The following CFTR variants were observed in gnomAD, a reference collection of about 807,000 sequenced individuals.
CFTR encodes CF transmembrane conductance regulator.
In CFTR, 181 loss-of-function variants were observed where a neutral mutation model predicts 171.6. The observed-to-expected ratio is 1.05, with a 90% CI of 0.93 to 1.19. The LOEUF (loss-of-function observed/expected upper bound fraction) is 1.19, where lower values mean the gene tolerates loss of function less well. CFTR is among the 50% of genes most tolerant of loss of function. CFTR has a pLI of 0.00. For missense variants in CFTR, 1,968 were observed against 1,734.7 expected (o/e 1.13, Z -2.39); for synonymous variants, 583 against 608.0 (o/e 0.96, Z 0.60).
At chr7:117,598,343 G>A (rs1444374262) in intron 15 of CFTR, among the ~76,000 whole-genome samples, 1 of 152,092 alleles carries the variant, frequency 6.6e-6, no homozygotes, top group African/African-American at 2.4e-5. Context: ...TACCTTCAGA[G>A]AATAAATGAC....
chr7:117,559,330 A>G (rs1799413795), intron 10 of CFTR, 134 bp from the exon 11 acceptor site: 4 of 706,086 alleles, frequency 5.7e-6, no homozygotes, highest in Non-Finnish European at 1.0e-5. Context: ...AGTATTTTAA[A>G]TATTTTGAAT....
Position 117,489,882 on chromosome 7 carries a change from T to C in CFTR, c.53+9735T>C, listed in dbSNP as rs957744531. On this transcript the variant is annotated intron_variant, in intron 1 of 26. Coordinates refer to ENST00000003084, the MANE Select transcript of CFTR (RefSeq NM_000492.4). ...ACATTTCAAATCAGAAGTTGGTGAA[T>C]TCACTGAAATATTTCTAGAGAACAC... Among the ~76,000 whole-genome samples, 5 of 151,966 alleles carry C rather than the reference T, an allele frequency of 3.3e-5. 1 individual carries two copies. The highest frequency in any genetic ancestry group is 6.6e-5 in the Admixed American group (1 of 15,202).
At position 117,548,657 on chromosome 7, in the gene CFTR, T is replaced by C; in HGVS notation, c.1226T>C (p.Phe409Ser). The C allele has an allele frequency of 6.2e-7, 1 of 1,613,036 alleles. No homozygotes were observed. Among genetic ancestry groups the C allele is most frequent in the Non-Finnish European group, 8.5e-7 (1 of 1,179,408 alleles). ...AFWEEGFGEL[F>S]EKAKQNNNNR... ...TTTTAACAGGGATTTGGGGAATTAT[T>C]TGAGAAAGCAAAACAAAACAATAAC... Residue 409 changes from phenylalanine (F) to serine (S), a missense_variant, in exon 10 of 27, where the codon TTT becomes TCT. Transcript: ENST00000003084.
chr7:117,528,449 G>A (rs1042777347), intron 3 of CFTR, among the ~76,000 whole-genome samples: 4 of 120,196 alleles, frequency 3.3e-5, no homozygotes, highest in African/African-American at 1.2e-4. Flanking sequence ...CAGGACATAG[G>A]CGTGGGCAAG....
chr7:117,597,533 G>A (rs554339865), intron 15 of CFTR, among the ~76,000 whole-genome samples: 14 of 152,310 alleles, frequency 9.2e-5, no homozygotes, highest in Admixed American at 5.2e-4. Context: ...CGTAATCTTT[G>A]TGATATGTGC....
chr7:117,639,339 C>A (rs1197152820), intron 22 of CFTR, among the ~76,000 whole-genome samples: 1 of 152,028 alleles, frequency 6.6e-6, no homozygotes, highest in African/African-American at 2.4e-5. Flanking sequence ...TTTCTTAAAA[C>A]CTTTTGACTT....
At position 117,602,822 on chromosome 7, in the gene CFTR, C is replaced by A. The variant is rs1180219519; in HGVS notation, c.2620-4C>A. On this transcript the variant is annotated splice_region_variant and splice_polypyrimidine_tract_variant and intron_variant, in intron 15 of 26. Transcript: ENST00000003084. ...AAAATCAACTGTGTCTTGTTCCATT[C>A]CAGGTGGCTGCTTCTTTGGTTGTGC... 3 of 1,613,654 alleles carry A rather than the reference C, an allele frequency of 1.9e-6. No homozygotes were observed. The highest frequency in any genetic ancestry group is 2.5e-6 in the Non-Finnish European group (3 of 1,179,578).
intron 11 of CFTR, among the ~76,000 whole-genome samples, chr7:117,573,082 A>G (rs191232135): frequency 6.6e-6 from 1 of 151,724 alleles, no homozygotes; most frequent in Admixed American, 6.6e-5. Flanking sequence ...CTTTCTGTCA[A>G]TATAGCAACA....
At chr7:117,577,706 C>T (rs774372222) in intron 11 of CFTR, among the ~76,000 whole-genome samples, 1 of 152,028 alleles carries the variant, frequency 6.6e-6, no homozygotes, top group African/African-American at 2.4e-5. Flanking sequence ...TACAATTGAC[C>T]CTTGGACAAT....
At chr7:117,556,512 C>CTATTTT (rs1754205159) in intron 10 of CFTR, among the ~76,000 whole-genome samples, 1 of 45,904 alleles carries the variant, frequency 2.2e-5, no homozygotes, top group African/African-American at 9.8e-5. Context: ...TGTTTCATTT[C>CTATTTT]TTTTTTTTTT....
intron 10 of CFTR, among the ~76,000 whole-genome samples, chr7:117,557,388 A>G (rs919085711): frequency 7.2e-5 from 11 of 152,116 alleles, no homozygotes; most frequent in Non-Finnish European, 1.5e-4. Context: ...TTAGAGTTCA[A>G]TTCAGATATT....
intron 1 of CFTR, among the ~76,000 whole-genome samples, chr7:117,484,347 C>G (rs1028172878): frequency 6.6e-6 from 1 of 152,200 alleles, no homozygotes. Context: ...TACCATGACT[C>G]CATTTAGTCA....
intron 12 of CFTR, among the ~76,000 whole-genome samples, chr7:117,589,455 T>G (rs1791994686): frequency 6.6e-6 from 1 of 152,022 alleles, no homozygotes. Context: ...GAGAATCCTA[T>G]GTACTTGAGA....
chr7:117,531,193 G>A lies in CFTR; in HGVS notation c.489+79G>A, dbSNP rs986478134. ...TTTAATGTCATAAATTAGGTAGTGA[G>A]CTGGTACAAGTAAGGGATAAATGCT... On this transcript the variant is annotated intron_variant, in intron 4 of 26. Coordinates refer to ENST00000003084, the MANE Select transcript of CFTR (RefSeq NM_000492.4). 8 of 1,091,086 alleles carry A rather than the reference G, an allele frequency of 7.3e-6. No individual in the cohort carries two copies. In the African/African-American group the frequency reaches 1.2e-4, roughly 17 times the overall value. The allele number at this position is 1,091,086 out of a possible 1,614,324, so 67.6% of individuals were successfully genotyped here. A position where few individuals can be genotyped will look rare whatever the true frequency, so the allele number is the denominator to read the frequency against.
chr7:117,491,917 A>G (rs1288003795), intron 1 of CFTR, among the ~76,000 whole-genome samples: 1 of 152,090 alleles, frequency 6.6e-6, no homozygotes, highest in East Asian at 1.9e-4. Context: ...TAAAGTATAT[A>G]CATGTAGGGA....
chr7:117,642,664 T>C, intron 23 of CFTR, 71 bp downstream of exon 23: 5 of 1,478,374 alleles, frequency 3.4e-6, no homozygotes, highest in Non-Finnish European at 4.7e-6. Context: ...ATACTTGTAC[T>C]CAAGAAATTC....
chr7:117,496,050 C>T (rs1316186985), intron 1 of CFTR, among the ~76,000 whole-genome samples: 4 of 152,142 alleles, frequency 2.6e-5, no homozygotes, highest in Non-Finnish European at 5.9e-5. Flanking sequence ...CCTGCTCGCC[C>T]TAGACAACTA....
intron 1 of CFTR, among the ~76,000 whole-genome samples, chr7:117,482,732 T>C (rs1402992760): frequency 6.6e-6 from 1 of 152,226 alleles, no homozygotes; most frequent in Non-Finnish European, 1.5e-5. Flanking sequence ...TAAATTTACA[T>C]TTTCTCACAA....
intron 1 of CFTR, among the ~76,000 whole-genome samples, chr7:117,493,002 G>C (rs568176051): frequency 6.6e-6 from 1 of 152,026 alleles, no homozygotes; most frequent in Non-Finnish European, 1.5e-5. Flanking sequence ...TAAAAATTAA[G>C]AGCCACCTAA....
Sources: gnomAD v4.1 joint callset for allele counts (sites outside exome capture counted in the v4.1 genomes callset) on GRCh38, gnomAD v4.1.1 for gene constraint, MANE v1.5 for transcripts, NCBI Gene and HGNC (gene_info 2026-07-23, HGNC 2026-07-21) for gene names.